Variants in ADGRL3 observed in about 807,000 individuals in gnomAD.
The protein encoded by ADGRL3 is calcium-independent alpha-latrotoxin receptor 3.
In ADGRL3, 62 loss-of-function variants were observed where a neutral mutation model predicts 153.5. The ratio of observed to expected loss-of-function variants is 0.40; its 90% CI spans 0.33 to 0.50. ADGRL3 has a LOEUF of 0.50. Among genes scored for constraint, ADGRL3 ranks in the 20% least tolerant of loss-of-function variants. The pLI, the probability that ADGRL3 is intolerant of heterozygous loss-of-function variation, is 0.47. For synonymous variants in ADGRL3, 710 were observed against 672.5 expected, an observed-to-expected ratio of 1.06 and a Z score of -0.86; for missense variants, 1,641 against 1,859.4, an observed-to-expected ratio of 0.88 and a Z score of 2.16.
chr4:61,359,950 AGTG>A (rs35439256), intron 1 of ADGRL3, among the ~76,000 whole-genome samples: 7,963 of 152,132 alleles, frequency 0.052, 232 homozygotes, highest in African/African-American at 0.069. Flanking sequence ...TATTATATAT[AGTG>A]GTATGTATAG....
chr4:61,400,544 G>C (rs941495181), intron 2 of ADGRL3, among the ~76,000 whole-genome samples: 2 of 151,830 alleles, frequency 1.3e-5, no homozygotes, highest in Admixed American at 6.6e-5. Flanking sequence ...AACTGGCAAT[G>C]TGAGGCTATA....
chr4:61,220,442 T>A (rs2149008877), intron 1 of ADGRL3, among the ~76,000 whole-genome samples: 1 of 152,268 alleles, frequency 6.6e-6, no homozygotes, highest in Admixed American at 6.5e-5. Flanking sequence ...CTAAGTATCA[T>A]TTTATGCTCT....
chr4:61,638,895 A>T (rs1262006115), intron 5 of ADGRL3, among the ~76,000 whole-genome samples: 1 of 152,184 alleles, frequency 6.6e-6, no homozygotes, highest in African/African-American at 2.4e-5. Context: ...ATGTAAATTT[A>T]GTTCCTCCTG....
chr4:61,900,265 A>G (rs1376310), intron 11 of ADGRL3, among the ~76,000 whole-genome samples: 75,867 of 151,948 alleles, frequency 0.5, 19,130 homozygotes, highest in African/African-American at 0.56. Flanking sequence ...CAAAAAAGAA[A>G]TTTTACATTT....
At chr4:61,748,638 G>T (rs978714550) in intron 8 of ADGRL3, among the ~76,000 whole-genome samples, 10 of 152,010 alleles carry the variant, frequency 6.6e-5, no homozygotes, top group Non-Finnish European at 1.2e-4. Context: ...AAATGGTGTT[G>T]GGAAAACTGG....
At chr4:61,919,321 G>T (rs2098757881) in intron 13 of ADGRL3, among the ~76,000 whole-genome samples, 1 of 152,152 alleles carries the variant, frequency 6.6e-6, no homozygotes, top group Non-Finnish European at 1.5e-5. Context: ...AATCACAGCA[G>T]GTTCTTGTGG....
chr4:61,358,829 T>C (rs1375931256), intron 1 of ADGRL3, among the ~76,000 whole-genome samples: 1 of 152,136 alleles, frequency 6.6e-6, no homozygotes, highest in Non-Finnish European at 1.5e-5. Flanking sequence ...TCTTCTACTT[T>C]AACATTATAT....
At chr4:61,852,084 G>A (rs1581148436) in intron 9 of ADGRL3, among the ~76,000 whole-genome samples, 1 of 152,058 alleles carries the variant, frequency 6.6e-6, no homozygotes, top group Non-Finnish European at 1.5e-5. Flanking sequence ...GTGGAAAATA[G>A]CAAAACTGAG....
intron 8 of ADGRL3, among the ~76,000 whole-genome samples, chr4:61,744,467 G>A (rs1448718789): frequency 3.3e-5 from 5 of 152,136 alleles, no homozygotes; most frequent in Non-Finnish European, 7.4e-5. Flanking sequence ...GCACCCCCCA[G>A]TAGGGGCAGA....
At chr4:61,348,372 T>A (rs1208727659) in intron 1 of ADGRL3, among the ~76,000 whole-genome samples, 3 of 152,032 alleles carry the variant, frequency 2.0e-5, no homozygotes, top group Admixed American at 6.6e-5. Context: ...AATCACAGTG[T>A]GCTTTTTTAA....
At chr4:61,559,171 A>T (rs1159285492) in intron 4 of ADGRL3, among the ~76,000 whole-genome samples, 2 of 152,016 alleles carry the variant, frequency 1.3e-5, no homozygotes, top group Admixed American at 1.3e-4. Context: ...TTTAGCCCAT[A>T]ATAAGCACCT....
At chr4:62,020,222 G>T (rs1309327368) in intron 21 of ADGRL3, among the ~76,000 whole-genome samples, 1 of 152,112 alleles carries the variant, frequency 6.6e-6, no homozygotes, top group Non-Finnish European at 1.5e-5. Context: ...GTCAGAGCAT[G>T]TTTGGCAAGG....
chr4:61,732,875 G>A lies in ADGRL3; in HGVS notation c.720G>A (p.Met240Ile). The A allele has an allele frequency of 6.2e-7, 1 of 1,613,640 alleles. No homozygotes were observed. Among genetic ancestry groups the A allele is most frequent in the Non-Finnish European group, 8.5e-7 (1 of 1,179,812 alleles). The change falls in exon 8 of 27, where the codon ATG becomes ATA. Residue 240 changes from methionine (M) to isoleucine (I), a missense_variant. Met to Ile is a conservative substitution (Grantham distance 10). This residue lies in a region of ADGRL3 where 213 missense variants were observed against 362.1 expected (regional missense o/e 0.59). Coordinates refer to ENST00000683033, the MANE Select transcript of ADGRL3 (RefSeq NM_001387552.1). Reference protein sequence around the residue: ...PLQASDKIYYMPWTPYRTDTL... With the variant: ...PLQASDKIYYIPWTPYRTDTL... ...AGGCATCTGACAAGATTTATTATAT[G>A]CCCTGGACTCCCTACAGAACTGATA...
chr4:61,779,949 G>A (rs2097195568), intron 8 of ADGRL3, among the ~76,000 whole-genome samples: 1 of 152,122 alleles, frequency 6.6e-6, no homozygotes, highest in South Asian at 2.1e-4. Context: ...CCTAAGATGT[G>A]TTGATTCAGT....
rs142479999 is a variant in ADGRL3 at position 62,046,062 on chromosome 4, C to T, written c.3814+1513C>T. The stretch of plus-strand genomic sequence containing the variant: ...CCATAACCTAGGATTAATTTGCTTA[C>T]ATATGACTGATTTTCTGTATTCTTT... On this transcript the variant is annotated intron_variant, in intron 25 of 26. Transcript: ENST00000683033. Among the ~76,000 whole-genome samples, 741 of 151,942 alleles carry T rather than the reference C, an allele frequency of 4.9e-3. 5 individuals carry two copies. The highest frequency in any genetic ancestry group is 7.0e-3 in the Non-Finnish European group (476 of 67,820).
rs1010313504 is a variant in ADGRL3 at position 61,517,464 on chromosome 4, G to A, written c.205G>A (p.Ala69Thr). The stretch of plus-strand genomic sequence containing the variant: ...TCATCGTGGACAAGGGCCCCGTGGA[G>A]CTACCAGAGGAGTTCGCGGTCCAGG... Reference protein sequence around the residue: ...AAHRGQGPRGATRGVRGPGAQ... With the variant: ...AAHRGQGPRGTTRGVRGPGAQ... The change falls in exon 4 of 27, where the codon GCT (alanine) becomes ACT (threonine). Residue 69 changes from alanine to threonine, a missense_variant. Transcript: ENST00000683033. 8.9e-6 allele frequency: 7 copies of A among 782,496 alleles called. No homozygotes were observed. The highest frequency in any genetic ancestry group is 3.4e-5 in the African/African-American group (2 of 58,704). 48.5% of individuals were successfully genotyped at this position (782,496 alleles called of 1,614,324 possible).
chr4:61,909,781 G>A (rs1233909804), intron 12 of ADGRL3, 36 bp downstream of exon 12: 12 of 1,363,472 alleles, frequency 8.8e-6, no homozygotes, highest in South Asian at 4.4e-5. Context: ...GTGTGTGTGT[G>A]TGTGTGTGTG....
intron 4 of ADGRL3, among the ~76,000 whole-genome samples, chr4:61,550,026 C>T (rs1242098434): frequency 6.6e-6 from 1 of 151,842 alleles, no homozygotes; most frequent in East Asian, 1.9e-4. Context: ...TCAAATGCAG[C>T]ATATCAACTG....
chr4:61,228,294 GA>G (rs1469192128), intron 1 of ADGRL3, among the ~76,000 whole-genome samples: 1 of 152,076 alleles, frequency 6.6e-6, no homozygotes, highest in Non-Finnish European at 1.5e-5. Context: ...TTGAGAAAAG[GA>G]ATATCATTAC....
Sources: allele counts gnomAD v4.1 joint callset (sites outside exome capture counted in the v4.1 genomes callset), GRCh38; gene constraint gnomAD v4.1.1; regional missense constraint gnomAD v4.1.1; transcripts MANE v1.5; gene names NCBI Gene and HGNC (gene_info 2026-07-23, HGNC 2026-07-21).